Variants in C6 observed in about 807,000 individuals in gnomAD.
C6 encodes complement component C6.
C6 carries 101 observed loss-of-function variants against 112.9 expected under a neutral mutation model. The ratio of observed to expected loss-of-function variants is 0.89; its 90% CI spans 0.76 to 1.06. The LOEUF is 1.06. Ranked by LOEUF, C6 falls within the 50% of genes least tolerant of loss-of-function variation. The pLI is 0.00. For missense variants in C6, 1,202 were observed against 1,104.6 expected (o/e 1.09, Z -1.25); for synonymous variants, 431 against 384.1 (o/e 1.12, Z -1.43).
At chr5:41,189,127 A>G (rs922989119) in intron 5 of C6, among the ~76,000 whole-genome samples, 1 of 152,072 alleles carries the variant, frequency 6.6e-6, no homozygotes, top group African/African-American at 2.4e-5. Flanking sequence ...GAACAGAAAC[A>G]GTTTTGATGA....
At chr5:41,228,407 C>CAG (rs1739663974) in intron 1 of C6, among the ~76,000 whole-genome samples, 1 of 152,126 alleles carries the variant, frequency 6.6e-6, no homozygotes, top group Admixed American at 6.6e-5. Flanking sequence ...TATCTGCAAG[C>CAG]AGAGACAGTT....
intron 1 of C6, among the ~76,000 whole-genome samples, chr5:41,243,491 C>T (rs184642468): frequency 6.6e-6 from 1 of 152,238 alleles, no homozygotes; most frequent in Non-Finnish European, 1.5e-5. Context: ...GCTTTTTGAG[C>T]AGAATTTCTT....
intron 9 of C6, among the ~76,000 whole-genome samples, chr5:41,163,504 G>T (rs1358489547): frequency 1.3e-5 from 2 of 151,792 alleles, no homozygotes; most frequent in African/African-American, 4.8e-5. Flanking sequence ...GTAGAGACAG[G>T]GTTTCACCAC....
chr5:41,146,135 C>T (rs894641343), intron 17 of C6, among the ~76,000 whole-genome samples: 1 of 152,160 alleles, frequency 6.6e-6, no homozygotes, highest in Non-Finnish European at 1.5e-5. Context: ...TTAAAACCAT[C>T]ATCATGGCTG....
At chr5:41,174,684 C>CT in intron 8 of C6, among the ~76,000 whole-genome samples, 1 of 152,084 alleles carries the variant, frequency 6.6e-6, no homozygotes, top group East Asian at 1.9e-4. Context: ...ATTTTGTTTT[C>CT]TTTTTCTTGA....
At position 41,203,124 on chromosome 5, in the gene C6, G is replaced by A; in HGVS notation, c.107C>T (p.Ser36Leu). 2 of 1,614,060 alleles carry A rather than the reference G, an allele frequency of 1.2e-6. No individual in the cohort carries two copies. Among genetic ancestry groups the A allele is most frequent in the Non-Finnish European group, 1.7e-6 (2 of 1,179,976 alleles). ...CTGGGTTCCAGAATTGCAAGTTTTT[G>A]AGCAGCTGGTCCACTGAGTCCATGC... The part of the protein sequence containing the change: ...HYAWTQWTSC[S>L]KTCNSGTQSR... The change falls in exon 2 of 18, where the codon TCA (serine) becomes TTA (leucine). Residue 36 changes from serine to leucine, a missense_variant. Coordinates refer to ENST00000337836, the MANE Select transcript of C6 (RefSeq NM_000065.5).
rs1357757914 is a variant in C6 at position 41,158,798 on chromosome 5, C to T, written c.1857-13G>A. The T allele has an allele frequency of 1.4e-6, 2 of 1,418,054 alleles. No homozygotes were observed. Among genetic ancestry groups the T allele is most frequent in the East Asian group, 2.3e-5 (1 of 43,848 alleles). 87.8% of individuals were successfully genotyped at this position (1,418,054 alleles called of 1,614,324 possible). A position where few individuals can be genotyped will look rare whatever the true frequency, so the allele number is the denominator to read the frequency against. ...ACATGGTTGTCCACTAAAAGGGAAACATAAATATGTGTGTATATGTATGTA... is the reference window on the plus strand; with the variant it reads ...ACATGGTTGTCCACTAAAAGGGAAATATAAATATGTGTGTATATGTATGTA... On this transcript the variant is annotated splice_polypyrimidine_tract_variant and intron_variant, in intron 12 of 17. Coordinates refer to ENST00000337836, the MANE Select transcript of C6 (RefSeq NM_000065.5).
intron 5 of C6, 123 bp downstream of exon 5, chr5:41,195,669 T>C: frequency 2.0e-6 from 2 of 1,012,498 alleles, no homozygotes; most frequent in South Asian, 1.3e-5. Flanking sequence ...GTATCAGAGA[T>C]AGGGCTGGTA....
chr5:41,236,395 C>T (rs142683987), intron 1 of C6, among the ~76,000 whole-genome samples: 5,924 of 151,666 alleles, frequency 0.039, 411 homozygotes, highest in African/African-American at 0.14. Context: ...TGTAGATATG[C>T]GGCATTATTT....
Position 41,158,617 on chromosome 5 carries a change from C to G in C6, c.1968+57G>C, listed in dbSNP as rs769077286. On this transcript the variant is annotated intron_variant, in intron 13 of 17. Coordinates refer to ENST00000337836, the MANE Select transcript of C6 (RefSeq NM_000065.5). ...ACAGTAACTCTAATTAAAAGACAAG[C>G]TATACTTTTCGAGGTTTTTAAAACT... is the stretch of plus-strand genomic sequence containing the variant. 5.0e-4 allele frequency: 442 copies of G among 883,046 alleles called. 2 individuals carry two copies. The highest frequency in any genetic ancestry group is 7.6e-4 in the Non-Finnish European group (392 of 514,816). The allele number at this position is 883,046 out of a possible 1,614,324, so 54.7% of individuals were successfully genotyped here.
At chr5:41,204,678 T>C (rs1437049243) in intron 1 of C6, among the ~76,000 whole-genome samples, 1 of 146,344 alleles carries the variant, frequency 6.8e-6, no homozygotes, top group East Asian at 2.0e-4. Context: ...TTCTTTTTTT[T>C]TTTTTTTTTG....
chr5:41,192,516 CT>C (rs1257078381), intron 5 of C6, among the ~76,000 whole-genome samples: 2 of 151,974 alleles, frequency 1.3e-5, no homozygotes, highest in East Asian at 3.9e-4. Context: ...CTGGGCTTTT[CT>C]TTTTTGGGAG....
chr5:41,254,957 A>G (rs1741592943), intron 1 of C6, among the ~76,000 whole-genome samples: 1 of 152,216 alleles, frequency 6.6e-6, no homozygotes, highest in African/African-American at 2.4e-5. Flanking sequence ...GAAATTGGTG[A>G]AGACCCAGAG....
In C6 at chr5:41,153,975, C is replaced by G. The variant is rs1195992440; in HGVS notation, c.2125G>C (p.Val709Leu). 6.2e-7 allele frequency: 1 copy of G among 1,613,618 alleles called. No individual in the cohort carries two copies. The highest frequency in any genetic ancestry group is 1.3e-5 in the African/African-American group (1 of 74,916). The stretch of plus-strand genomic sequence containing the variant: ...GGTGTAATTGTCAGGACTTCCTGCA[C>G]AACTGGCTTGATGCACTCCGTCCCT... ...CQRTECIKPV[V>L]QEVLTITPFQ... Residue 709 changes from valine (V) to leucine (L), a missense_variant, in exon 15 of 18, where the codon GTG becomes CTG. Transcript: ENST00000337836.
At chr5:41,256,564 G>T (rs1012597094) in intron 1 of C6, among the ~76,000 whole-genome samples, 1 of 151,656 alleles carries the variant, frequency 6.6e-6, no homozygotes, top group Non-Finnish European at 1.5e-5. Flanking sequence ...CCCCACTGCT[G>T]AGAGAATTTT....
In C6 at chr5:41,160,416, T is replaced by C. The variant is rs539868790; in HGVS notation, c.1459-49A>G. 82 of 1,425,278 alleles carry C rather than the reference T, an allele frequency of 5.8e-5. No individual in the cohort carries two copies. The Middle Eastern group carries it at 8.8e-4, about 15-fold the overall frequency. 88.3% of individuals were successfully genotyped at this position (1,425,278 alleles called of 1,614,324 possible). On this transcript the variant is annotated intron_variant, in intron 10 of 17. Coordinates refer to ENST00000337836, the MANE Select transcript of C6 (RefSeq NM_000065.5). ...GGTCCAGTCACATCCCCTTTGGTAATAGGTTGCCATTACTGCCCAGTTCTC... is the reference window on the plus strand; with the variant it reads ...GGTCCAGTCACATCCCCTTTGGTAACAGGTTGCCATTACTGCCCAGTTCTC...
chr5:41,153,742 A>G lies in C6; in HGVS notation c.2290+68T>C, dbSNP rs555306521. 11 of 1,173,014 alleles carry G rather than the reference A, an allele frequency of 9.4e-6. No homozygotes were observed. The African/African-American group carries it at 1.7e-4, about 18-fold the overall frequency. 72.7% of individuals were successfully genotyped at this position (1,173,014 alleles called of 1,614,324 possible). On this transcript the variant is annotated intron_variant, in intron 15 of 17. Coordinates refer to ENST00000337836, the MANE Select transcript of C6 (RefSeq NM_000065.5). ...AGTGCTTAAGAAATATAATGGCTAT[A>G]GAGGCTATACTACCAATCTCAGGGT... is the stretch of plus-strand genomic sequence containing the variant.
chr5:41,148,371 A>C (rs1390386653), intron 17 of C6, among the ~76,000 whole-genome samples: 1 of 152,166 alleles, frequency 6.6e-6, no homozygotes, highest in Non-Finnish European at 1.5e-5. Flanking sequence ...GTATGCTCCG[A>C]TTTTATATTT....
intron 1 of C6, among the ~76,000 whole-genome samples, chr5:41,210,714 C>T (rs141842862): frequency 0.045 from 6,825 of 152,072 alleles, 165 homozygotes; most frequent in Middle Eastern, 0.071. Flanking sequence ...GTTAGAATGG[C>T]GATCATTAAA....
Sources: gnomAD v4.1 joint callset for allele counts (sites outside exome capture counted in the v4.1 genomes callset) on GRCh38, gnomAD v4.1.1 for gene constraint, MANE v1.5 for transcripts, NCBI Gene and HGNC (gene_info 2026-07-23, HGNC 2026-07-21) for gene names.